Variants in TAF1B observed in about 807,000 individuals in gnomAD.
The protein encoded by TAF1B is TATA-box binding protein associated factor, RNA polymerase I subunit B.
TAF1B carries 61 observed loss-of-function variants against 83.9 expected under a neutral mutation model. That is an observed-to-expected ratio of 0.73 (90% confidence interval 0.59 to 0.90). TAF1B has a LOEUF of 0.90. TAF1B is among the 40% of genes least tolerant of loss of function. The probability of loss-of-function intolerance (pLI) is 0.00; values close to 1 mark genes in which losing one functional copy is unlikely to be tolerated. For synonymous variants in TAF1B, 221 were observed against 224.6 expected, an observed-to-expected ratio of 0.98 and a Z score of 0.14; for missense variants, 625 against 677.0, an observed-to-expected ratio of 0.92 and a Z score of 0.85.
intron 6 of TAF1B, 108 bp downstream of exon 6, chr2:9,868,537 G>A: frequency 7.0e-7 from 1 of 1,426,738 alleles, no homozygotes; most frequent in African/African-American, 1.4e-5. Context: ...GGTCTAGCGA[G>A]GAAGAATCTA....
At chr2:9,910,977 A>G in intron 10 of TAF1B, 64 bp downstream of exon 10, 1 of 1,454,590 alleles carries the variant, frequency 6.9e-7, no homozygotes, top group Non-Finnish European at 9.4e-7. Flanking sequence ...TTTTTAAGAA[A>G]GCTTTAAATG....
chr2:9,910,338 G>T (rs1291499223), intron 9 of TAF1B, among the ~76,000 whole-genome samples: 1 of 152,160 alleles, frequency 6.6e-6, no homozygotes, highest in African/African-American at 2.4e-5. Context: ...GTTGTTGAGG[G>T]CTTCCAGTGT....
chr2:9,862,468 T>C (rs1430240980), intron 5 of TAF1B, among the ~76,000 whole-genome samples: 3 of 152,242 alleles, frequency 2.0e-5, no homozygotes, highest in Non-Finnish European at 4.4e-5. Context: ...CTACGTCTTA[T>C]TGGTGTACCT....
At chr2:9,898,348 C>A (rs1360490336) in intron 8 of TAF1B, among the ~76,000 whole-genome samples, 1 of 152,144 alleles carries the variant, frequency 6.6e-6, no homozygotes, top group Non-Finnish European at 1.5e-5. Context: ...ACGCTTTGAG[C>A]AGTGCATTAT....
intron 8 of TAF1B, among the ~76,000 whole-genome samples, chr2:9,887,069 A>C (rs1664698059): frequency 6.6e-6 from 1 of 152,210 alleles, no homozygotes; most frequent in African/African-American, 2.4e-5. Context: ...GTCTCAAAAA[A>C]AAAAAGATTT....
chr2:9,934,192 A>C lies in TAF1B; in HGVS notation c.*208A>C, dbSNP rs528010781. 190 of 455,604 alleles carry C rather than the reference A, an allele frequency of 4.2e-4. No homozygotes were observed. The highest frequency in any genetic ancestry group is 1.8e-3 in the Middle Eastern group (3 of 1,688). The allele number at this position is 455,604 out of a possible 1,614,324, so 28.2% of individuals were successfully genotyped here. A position where few individuals can be genotyped will look rare whatever the true frequency, so the allele number is the denominator to read the frequency against. On this transcript the variant is annotated 3_prime_UTR_variant, in exon 15 of 15. Coordinates refer to ENST00000263663, the MANE Select transcript of TAF1B (RefSeq NM_005680.3). ...TGATTTTATTTTTCAGAGTATGAAC[A>C]TTCTAAGAGAAAGTTAAAACAATAG...
At chr2:9,900,900 T>C (rs1230646818) in intron 8 of TAF1B, among the ~76,000 whole-genome samples, 1 of 152,184 alleles carries the variant, frequency 6.6e-6, no homozygotes, top group South Asian at 2.1e-4. Flanking sequence ...GGCTGTTGAA[T>C]TTAAATCCCA....
chr2:9,890,361 C>G (rs1005453369), intron 8 of TAF1B, among the ~76,000 whole-genome samples: 1 of 152,126 alleles, frequency 6.6e-6, no homozygotes, highest in African/African-American at 2.4e-5. Flanking sequence ...CAGAAGTGTT[C>G]CAAATACTAA....
chr2:9,870,057 A>G (rs1284077356), intron 6 of TAF1B, among the ~76,000 whole-genome samples: 3 of 152,122 alleles, frequency 2.0e-5, no homozygotes, highest in Admixed American at 6.5e-5. Flanking sequence ...TTTTGTAAAA[A>G]TTTGAATTAT....
intron 14 of TAF1B, among the ~76,000 whole-genome samples, chr2:9,924,229 A>T (rs74338547): frequency 6.6e-6 from 1 of 152,168 alleles, no homozygotes; most frequent in Non-Finnish European, 1.5e-5. Flanking sequence ...GCTGGGCAGT[A>T]AAAATGCCAC....
intron 8 of TAF1B, among the ~76,000 whole-genome samples, chr2:9,897,555 C>T (rs1665053807): frequency 6.6e-6 from 1 of 152,182 alleles, no homozygotes; most frequent in Non-Finnish European, 1.5e-5. Flanking sequence ...AGATGTAATA[C>T]TGGGTCAGCC....
chr2:9,911,935 G>A (rs1388935048), intron 11 of TAF1B, among the ~76,000 whole-genome samples: 2 of 152,160 alleles, frequency 1.3e-5, no homozygotes, highest in African/African-American at 4.8e-5. Context: ...CTCCTGTTCA[G>A]TCCCTGGCAA....
chr2:9,846,000 T>C (rs757177330), intron 2 of TAF1B: 2 of 461,724 alleles, frequency 4.3e-6, no homozygotes, highest in Non-Finnish European at 9.0e-6. Context: ...GAAAGAAAGC[T>C]TGAGGACTGT....
In TAF1B at chr2:9,895,913, A is replaced by G. The variant is rs1665005117; in HGVS notation, c.808-8946A>G. Among the ~76,000 whole-genome samples, 3 of 151,668 alleles carry G rather than the reference A, an allele frequency of 2.0e-5. No homozygotes were observed. In the South Asian group the frequency reaches 6.3e-4, roughly 32 times the overall value. ...TCACAGGAGCCTGCTGTTGTGTAACAGAAACTCTAGCCTGTCCTTACCTGT... is the reference window on the plus strand; with the variant it reads ...TCACAGGAGCCTGCTGTTGTGTAACGGAAACTCTAGCCTGTCCTTACCTGT... On this transcript the variant is annotated intron_variant, in intron 8 of 14. Transcript: ENST00000263663.
Position 9,934,039 on chromosome 2 carries a change from G to C in TAF1B, c.*55G>C. The C allele has an allele frequency of 7.5e-7, 1 of 1,342,070 alleles. No individual in the cohort carries two copies. The highest frequency in any genetic ancestry group is 1.4e-5 in the South Asian group (1 of 70,944). 83.1% of individuals were successfully genotyped at this position (1,342,070 alleles called of 1,614,324 possible). Reference sequence around the variant, plus strand: ...TATTTTAATAGTGATAATAACATCAGATTTTAATATAACATTCCAGAGAAT... The same window carrying C: ...TATTTTAATAGTGATAATAACATCACATTTTAATATAACATTCCAGAGAAT... On this transcript the variant is annotated 3_prime_UTR_variant, in exon 15 of 15. Coordinates refer to ENST00000263663, the MANE Select transcript of TAF1B (RefSeq NM_005680.3).
At chr2:9,846,013 GGAAT>G in intron 2 of TAF1B, 1 of 466,524 alleles carries the variant, frequency 2.1e-6, no homozygotes, top group South Asian at 1.6e-5. Context: ...AGGACTGTTG[GGAAT>G]ATTGGAATTA....
chr2:9,918,925 G>A (rs1331483438), intron 12 of TAF1B, 116 bp from the exon 13 acceptor site: 8 of 876,466 alleles, frequency 9.1e-6, no homozygotes, highest in Admixed American at 6.2e-5. Flanking sequence ...GTGCCAGTAG[G>A]CCATTCCAAG....
chr2:9,872,251 G>A (rs1572235295), intron 6 of TAF1B, among the ~76,000 whole-genome samples: 1 of 151,818 alleles, frequency 6.6e-6, no homozygotes, highest in Non-Finnish European at 1.5e-5. Context: ...GCTTGAACCC[G>A]GGAGTTGGAG....
intron 14 of TAF1B, among the ~76,000 whole-genome samples, chr2:9,933,142 C>T (rs917778223): frequency 1.3e-5 from 2 of 152,312 alleles, no homozygotes; most frequent in South Asian, 2.1e-4. Context: ...CGCCCTGCTT[C>T]GGCTCACCCT....
Sources: allele counts gnomAD v4.1 joint callset (sites outside exome capture counted in the v4.1 genomes callset), GRCh38; gene constraint gnomAD v4.1.1; transcripts MANE v1.5; gene names NCBI Gene and HGNC (gene_info 2026-07-23, HGNC 2026-07-21).